Variants in PCDHA7 observed in about 807,000 individuals in gnomAD.
PCDHA7 encodes the protein protocadherin alpha-7.
In PCDHA7, 37 loss-of-function variants were observed where a neutral mutation model predicts 57.2. That is an observed-to-expected ratio of 0.65 (90% CI 0.50 to 0.85). The LOEUF (loss-of-function observed/expected upper bound fraction) is 0.85. PCDHA7 is among the 40% of genes least tolerant of loss of function. The probability of loss-of-function intolerance (pLI) is 0.00; values close to 1 mark genes in which losing one functional copy is unlikely to be tolerated. For missense variants in PCDHA7, 1,188 were observed against 1,241.8 expected, an observed-to-expected ratio of 0.96 and a Z score of 0.65; for synonymous variants, 553 against 558.8, an observed-to-expected ratio of 0.99 and a Z score of 0.15.
chr5:140,927,313 G>A (rs1229449253), intron 1 of PCDHA7: 6 of 1,614,074 alleles, frequency 3.7e-6, no homozygotes, highest in Admixed American at 3.3e-5. Context: ...GACGCCCGGA[G>A]CCCGCTTTAC....
At chr5:140,863,233 C>T (rs2047882202) in intron 1 of PCDHA7, 3 of 1,240,302 alleles carry the variant, frequency 2.4e-6, no homozygotes, top group Non-Finnish European at 3.4e-6. Context: ...GGTCCCATCG[C>T]GGGCTTTGGC....
chr5:140,870,949 G>A (rs1554164920), intron 1 of PCDHA7: 2 of 1,613,686 alleles, frequency 1.2e-6, no homozygotes, highest in East Asian at 2.2e-5. Context: ...GGCGGCGGGC[G>A]GCTCGCGCAT....
intron 1 of PCDHA7, chr5:140,841,846 T>G (rs2150323998): frequency 6.2e-7 from 1 of 1,613,898 alleles, no homozygotes. Flanking sequence ...TTAGCTCTCA[T>G]GATTACTTCA....
At chr5:140,896,226 T>C (rs1554186874) in intron 1 of PCDHA7, among the ~76,000 whole-genome samples, 1 of 152,242 alleles carries the variant, frequency 6.6e-6, no homozygotes, top group Non-Finnish European at 1.5e-5. Flanking sequence ...GTCTTTATAG[T>C]AGAATGACTT....
intron 1 of PCDHA7, chr5:140,843,068 C>T (rs1345239073): frequency 1.3e-6 from 2 of 1,595,216 alleles, no homozygotes; most frequent in East Asian, 2.2e-5. Context: ...GCTGGTGCCG[C>T]GGTCTGTGGG....
chr5:141,007,133 G>A (rs1588151080), intron 3 of PCDHA7, among the ~76,000 whole-genome samples: 1 of 152,128 alleles, frequency 6.6e-6, no homozygotes, highest in South Asian at 2.1e-4. Flanking sequence ...CAGATGAGGA[G>A]ACTGACAAAG....
At chr5:140,871,415 T>C in intron 1 of PCDHA7, 1 of 1,613,926 alleles carries the variant, frequency 6.2e-7, no homozygotes, top group Non-Finnish European at 8.5e-7. Context: ...CTCATGGCCT[T>C]CAGCCCCAGT....
At chr5:140,849,934 G>C (rs2150458402) in intron 1 of PCDHA7, 4 of 1,598,054 alleles carry the variant, frequency 2.5e-6, no homozygotes, top group Non-Finnish European at 3.4e-6. Flanking sequence ...GTGTCTGCGC[G>C]GGACGCTGAC....
At chr5:140,921,244 A>G (rs1167584267) in intron 1 of PCDHA7, among the ~76,000 whole-genome samples, 1 of 152,180 alleles carries the variant, frequency 6.6e-6, no homozygotes, top group African/African-American at 2.4e-5. Flanking sequence ...TAAGCCACAG[A>G]TCAAAAAGTC....
intron 1 of PCDHA7, among the ~76,000 whole-genome samples, chr5:140,913,589 T>G (rs1342360734): frequency 6.6e-6 from 1 of 152,168 alleles, no homozygotes; most frequent in Non-Finnish European, 1.5e-5. Context: ...TATTTCTGCT[T>G]TGATCTTTAT....
intron 1 of PCDHA7, chr5:140,927,071 GCCA>G (rs2083808355): frequency 4.3e-6 from 7 of 1,610,970 alleles, no homozygotes; most frequent in Non-Finnish European, 5.9e-6. Flanking sequence ...TTCCTTTCCA[GCCA>G]CCGCGAGCTC....
rs1554164701 is a variant in PCDHA7 at position 140,870,777 on chromosome 5, C to T, written c.2355+34039C>T. The T allele has an allele frequency of 3.1e-6, 5 of 1,613,610 alleles. No individual in the cohort carries two copies. In the African/African-American group the frequency reaches 4.0e-5, roughly 13 times the overall value. On this transcript the variant is annotated intron_variant, in intron 1 of 3. Coordinates refer to ENST00000525929, the MANE Select transcript of PCDHA7 (RefSeq NM_018910.3). Reference sequence around the variant, plus strand: ...TGCAGGTGTTCGTGCTGGACGAGAACGACAACGCGCCGGCACTGCTGGCGA... The same window carrying T: ...TGCAGGTGTTCGTGCTGGACGAGAATGACAACGCGCCGGCACTGCTGGCGA...
chr5:141,010,368 C>T lies in PCDHA7; in HGVS notation c.*431C>T, dbSNP rs368481822. ...GGTATGTGTGGCTACCGCGGGTATG[C>T]GAGTGCCAGATATTGGCTGAGACGA... On this transcript the variant is annotated 3_prime_UTR_variant, in exon 4 of 4. Coordinates refer to ENST00000525929, the MANE Select transcript of PCDHA7 (RefSeq NM_018910.3). The T allele has an allele frequency of 8.2e-6, 12 of 1,470,936 alleles. No homozygotes were observed. The East Asian group carries it at 1.7e-4, about 21-fold the overall frequency. 91.1% of individuals were successfully genotyped at this position (1,470,936 alleles called of 1,614,324 possible). A position where few individuals can be genotyped will look rare whatever the true frequency, so the allele number is the denominator to read the frequency against.
chr5:140,876,792 A>C, intron 1 of PCDHA7: 1 of 1,614,116 alleles, frequency 6.2e-7, no homozygotes, highest in East Asian at 2.2e-5. Flanking sequence ...CCACGGCTAG[A>C]GTGTCCGTGG....
Position 140,850,981 on chromosome 5 carries a change from T to C in PCDHA7, c.2355+14243T>C, listed in dbSNP as rs1554145152. ...CCAGGGGCCGTTCAAATAGTTTTATTCATTTTTCTAGAAATCCAGCAGATT... is the reference window on the plus strand; with the variant it reads ...CCAGGGGCCGTTCAAATAGTTTTATCCATTTTTCTAGAAATCCAGCAGATT... On this transcript the variant is annotated intron_variant, in intron 1 of 3. Coordinates refer to ENST00000525929, the MANE Select transcript of PCDHA7 (RefSeq NM_018910.3). 1.3e-5 allele frequency: 19 copies of C among 1,453,220 alleles called. No individual in the cohort carries two copies. In the East Asian group the frequency reaches 4.5e-4, roughly 35 times the overall value. 90.0% of individuals were successfully genotyped at this position (1,453,220 alleles called of 1,614,324 possible). A position where few individuals can be genotyped will look rare whatever the true frequency, so the allele number is the denominator to read the frequency against.
chr5:140,883,946 G>T (rs139225969), intron 1 of PCDHA7: 2 of 1,613,274 alleles, frequency 1.2e-6, no homozygotes, highest in Non-Finnish European at 1.7e-6. Flanking sequence ...GGACGAGAAC[G>T]ACAACGCTCC....
chr5:140,880,851 A>T lies in PCDHA7; in HGVS notation c.2355+44113A>T, dbSNP rs577713176. 2.0e-5 allele frequency among the ~76,000 whole-genome samples: 3 copies of T among 152,322 alleles called. No individual in the cohort carries two copies. In the South Asian group the frequency reaches 6.2e-4, roughly 32 times the overall value. On this transcript the variant is annotated intron_variant, in intron 1 of 3. Coordinates refer to ENST00000525929, the MANE Select transcript of PCDHA7 (RefSeq NM_018910.3). The stretch of plus-strand genomic sequence containing the variant: ...GCATATTTTAAATGGTTGACTATGT[A>T]GTCTAATTATGTGAAGAGGTAAATA...
At chr5:140,891,818 C>T (rs1331998195) in intron 1 of PCDHA7, among the ~76,000 whole-genome samples, 1 of 152,118 alleles carries the variant, frequency 6.6e-6, no homozygotes, top group Non-Finnish European at 1.5e-5. Context: ...AATAAATTAA[C>T]GGCACTGTAA....
chr5:140,848,504 C>T (rs1554142138), intron 1 of PCDHA7: 4 of 1,587,366 alleles, frequency 2.5e-6, no homozygotes, highest in African/African-American at 2.7e-5. Flanking sequence ...AAATGTTATA[C>T]TCAAGTCGAG....
Sources: gnomAD v4.1 joint callset for allele counts (sites outside exome capture counted in the v4.1 genomes callset) on GRCh38, gnomAD v4.1.1 for gene constraint, MANE v1.5 for transcripts, NCBI Gene and HGNC (gene_info 2026-07-23, HGNC 2026-07-21) for gene names.